SGCZ: variants seen among roughly 807,000 people sequenced by gnomAD.
The protein encoded by SGCZ is zeta-sarcoglycan.
SGCZ carries 40 observed loss-of-function variants against 41.3 expected under a neutral mutation model. That is an observed-to-expected ratio of 0.97 (90% CI 0.75 to 1.26). The LOEUF (loss-of-function observed/expected upper bound fraction) is 1.26. SGCZ is among the 50% of genes most tolerant of loss of function. The probability of loss-of-function intolerance (pLI) is 0.00; values close to 1 mark genes in which losing one functional copy is unlikely to be tolerated. For missense variants in SGCZ, 552 were observed against 369.8 expected (o/e 1.49, Z -4.04); for synonymous variants, 206 against 137.5 (o/e 1.50, Z -3.49).
chr8:14,265,420 G>C lies in SGCZ; in HGVS notation c.337-27741C>G, dbSNP rs138094610. On this transcript the variant is annotated intron_variant, in intron 3 of 7. Transcript: ENST00000382080. ...TGATCATTGAAAATGTCAAATCCTG[G>C]AAAACGCTGGATCTCTATGTGTGAT... Among the ~76,000 whole-genome samples, 23 of 152,158 alleles carry C rather than the reference G, an allele frequency of 1.5e-4. No individual in the cohort carries two copies. The East Asian group carries it at 4.1e-3, about 27-fold the overall frequency.
rs1180505055 is a variant in SGCZ, at chr8:14,531,990, T to G, written c.234+22742A>C. 3.3e-5 allele frequency among the ~76,000 whole-genome samples: 5 copies of G among 152,132 alleles called. No individual in the cohort carries two copies. The East Asian group carries it at 5.8e-4, about 18-fold the overall frequency. On this transcript the variant is annotated intron_variant, in intron 2 of 7. Coordinates refer to ENST00000382080, the MANE Select transcript of SGCZ (RefSeq NM_139167.4). ...AAACATAAATTAAAACAGCTAATTT[T>G]GTCAAACAAATGTAAAAGTAGTTGA...
intron 1 of SGCZ, among the ~76,000 whole-genome samples, chr8:14,979,287 T>A (rs1231847003): frequency 6.6e-6 from 1 of 152,236 alleles, no homozygotes; most frequent in Non-Finnish European, 1.5e-5. Flanking sequence ...ACTGTAATAC[T>A]CACAAATTTC....
intron 2 of SGCZ, among the ~76,000 whole-genome samples, chr8:14,344,824 T>G (rs1802838898): frequency 1.3e-5 from 2 of 151,126 alleles, no homozygotes; most frequent in East Asian, 3.9e-4. Flanking sequence ...CCCATCAAAA[T>G]TACTAAAACT....
intron 1 of SGCZ, among the ~76,000 whole-genome samples, chr8:14,957,621 T>C (rs985812754): frequency 2.0e-5 from 3 of 152,044 alleles, no homozygotes; most frequent in South Asian, 4.1e-4. Context: ...TTTCTTATTA[T>C]ATGGTGCCCA....
chr8:14,902,867 C>A (rs1009889215), intron 1 of SGCZ, among the ~76,000 whole-genome samples: 8 of 151,934 alleles, frequency 5.3e-5, no homozygotes, highest in African/African-American at 1.9e-4. Flanking sequence ...ATAATAAATA[C>A]TTTAGTTATA....
In SGCZ at chr8:14,086,962, C is replaced by G. The variant is rs1472047785; in HGVS notation, c.*3481G>C. Among the ~76,000 whole-genome samples, 1 of 151,600 alleles carries G rather than the reference C, an allele frequency of 6.6e-6. No individual in the cohort carries two copies. Among genetic ancestry groups the G allele is most frequent in the Non-Finnish European group, 1.5e-5 (1 of 67,712 alleles). ...TATACCCCTCTCACAGATAAGTGAA[C>G]TGTGACCAACGTAATTAAATATATG... is the stretch of plus-strand genomic sequence containing the variant. On this transcript the variant is annotated 3_prime_UTR_variant, in exon 8 of 8. Transcript: ENST00000382080.
At chr8:14,233,807 A>G (rs1161284317) in intron 4 of SGCZ, among the ~76,000 whole-genome samples, 2 of 151,770 alleles carry the variant, frequency 1.3e-5, no homozygotes, top group African/African-American at 4.8e-5. Flanking sequence ...TAAAAAACAT[A>G]ATAATTATAG....
chr8:14,355,268 A>G lies in SGCZ; in HGVS notation c.235-31064T>C, dbSNP rs374203255. On this transcript the variant is annotated intron_variant, in intron 2 of 7. Coordinates refer to ENST00000382080, the MANE Select transcript of SGCZ (RefSeq NM_139167.4). Reference sequence around the variant, plus strand: ...TCAATCAGCAGTAAAACAGGAGCACAATTTTTATTTGTATTTAAAAACTCA... The same window carrying G: ...TCAATCAGCAGTAAAACAGGAGCACGATTTTTATTTGTATTTAAAAACTCA... Among the ~76,000 whole-genome samples, 4 of 152,070 alleles carry G rather than the reference A, an allele frequency of 2.6e-5. No individual in the cohort carries two copies. The East Asian group carries it at 7.7e-4, about 29-fold the overall frequency.
At chr8:14,745,810 C>A (rs75597034) in intron 1 of SGCZ, among the ~76,000 whole-genome samples, 3,770 of 151,928 alleles carry the variant, frequency 0.025, 154 homozygotes, top group African/African-American at 0.086. Flanking sequence ...ATTGATACAA[C>A]CAAGTAGGGA....
chr8:14,942,358 C>A (rs538618907), intron 1 of SGCZ, among the ~76,000 whole-genome samples: 2 of 152,226 alleles, frequency 1.3e-5, no homozygotes, highest in South Asian at 4.1e-4. Context: ...TTTCAGTGGT[C>A]TGAAGAAATT....
chr8:15,095,619 C>A (rs1285382703), intron 1 of SGCZ, among the ~76,000 whole-genome samples: 1 of 151,850 alleles, frequency 6.6e-6, no homozygotes, highest in African/African-American at 2.4e-5. Flanking sequence ...AAGAAATATA[C>A]CCTCTGAACA....
chr8:15,157,819 T>C (rs996793737), intron 1 of SGCZ, among the ~76,000 whole-genome samples: 1 of 152,174 alleles, frequency 6.6e-6, no homozygotes, highest in East Asian at 1.9e-4. Flanking sequence ...TGGCATTCAA[T>C]CTATTCCCCT....
intron 5 of SGCZ, among the ~76,000 whole-genome samples, chr8:14,109,450 G>A (rs1240623387): frequency 1.3e-5 from 2 of 152,038 alleles, no homozygotes; most frequent in Non-Finnish European, 2.9e-5. Flanking sequence ...AAATAAACTT[G>A]ATGATTTTGT....
chr8:14,745,231 A>G (rs988198161), intron 1 of SGCZ, among the ~76,000 whole-genome samples: 1 of 152,020 alleles, frequency 6.6e-6, no homozygotes, highest in Non-Finnish European at 1.5e-5. Context: ...GTTGAATCAG[A>G]AAACACATGT....
At chr8:14,518,297 C>G (rs942582239) in intron 2 of SGCZ, among the ~76,000 whole-genome samples, 47 of 152,042 alleles carry the variant, frequency 3.1e-4, no homozygotes, top group Admixed American at 2.7e-3. Context: ...ATGACATATT[C>G]TAATATTTAT....
chr8:14,523,705 A>G (rs1380237330), intron 2 of SGCZ, among the ~76,000 whole-genome samples: 1 of 152,052 alleles, frequency 6.6e-6, no homozygotes, highest in Non-Finnish European at 1.5e-5. Flanking sequence ...ATGTAAGTAT[A>G]TGTTTTTTGT....
At chr8:15,189,048 G>C (rs1800444323) in intron 1 of SGCZ, among the ~76,000 whole-genome samples, 1 of 152,084 alleles carries the variant, frequency 6.6e-6, no homozygotes, top group Non-Finnish European at 1.5e-5. Flanking sequence ...TAAAAGCTTG[G>C]TACACAGTAG....
chr8:15,232,767 G>GTA (rs1170161842), intron 1 of SGCZ, among the ~76,000 whole-genome samples: 2 of 139,446 alleles, frequency 1.4e-5, no homozygotes, highest in African/African-American at 2.6e-5. Context: ...ATATATGTGT[G>GTA]TATATATATA....
At chr8:14,592,845 G>A (rs1022194044) in intron 1 of SGCZ, among the ~76,000 whole-genome samples, 9 of 152,148 alleles carry the variant, frequency 5.9e-5, no homozygotes, top group Admixed American at 5.9e-4. Flanking sequence ...TAATCAGACA[G>A]ACTAGAAGAC....
Sources: allele counts gnomAD v4.1 joint callset (sites outside exome capture counted in the v4.1 genomes callset), GRCh38; gene constraint gnomAD v4.1.1; transcripts MANE v1.5; gene names NCBI Gene and HGNC (gene_info 2026-07-23, HGNC 2026-07-21).